Variants in KCNQ1 observed in about 807,000 individuals in gnomAD.
KCNQ1 encodes the protein potassium voltage-gated channel subfamily KQT member 1.
A neutral mutation model predicts 72.4 loss-of-function variants in KCNQ1; 49 were observed. That is an observed-to-expected ratio of 0.68 (90% CI 0.54 to 0.86). The LOEUF (loss-of-function observed/expected upper bound fraction) is 0.86. Ranked by LOEUF, KCNQ1 falls within the 40% of genes least tolerant of loss-of-function variation. The probability of loss-of-function intolerance (pLI) is 0.00; values close to 1 mark genes in which losing one functional copy is unlikely to be tolerated. For synonymous variants in KCNQ1, 450 were observed against 412.6 expected, an observed-to-expected ratio of 1.09 and a Z score of -1.10; for missense variants, 790 against 945.1, an observed-to-expected ratio of 0.84 and a Z score of 2.15.
chr11:2,452,087 C>T (rs1846126267), intron 1 of KCNQ1, among the ~76,000 whole-genome samples: 2 of 152,196 alleles, frequency 1.3e-5, no homozygotes, highest in South Asian at 2.1e-4. Context: ...CGGCTGCCCT[C>T]ACCCAGAGAG....
At chr11:2,667,064 A>C in intron 11 of KCNQ1, 1 of 398,652 alleles carries the variant, frequency 2.5e-6, no homozygotes, top group Non-Finnish European at 4.4e-6. Context: ...CGTCTCTGAA[A>C]TGCACGGGGG....
rs188616774 is a variant in KCNQ1 at position 2,642,345 on chromosome 11, T to A, written c.1394-19616T>A. ...TTTCTCACCTCTTTGGTTAAACTCA[T>A]TCCTAGATTTTTTGTAGTGGTTGTA... On this transcript the variant is annotated intron_variant, in intron 10 of 15. Coordinates refer to ENST00000155840, the MANE Select transcript of KCNQ1 (RefSeq NM_000218.3). The surrounding 1 kb of genome is among the most constrained non-coding windows in gnomAD (Gnocchi z 4.3). 5 of 398,280 alleles carry A rather than the reference T, an allele frequency of 1.3e-5. No homozygotes were observed. In the East Asian group the frequency reaches 1.8e-4, roughly 14 times the overall value. The allele number at this position is 398,280 out of a possible 1,614,324, so 24.7% of individuals were successfully genotyped here.
Position 2,570,755 on chromosome 11 carries a change from G to A in KCNQ1, c.604+1G>A, listed in dbSNP as rs752670256. 1.2e-6 allele frequency: 2 copies of A among 1,610,438 alleles called. No individual in the cohort carries two copies. The highest frequency in any genetic ancestry group is 2.2e-5 in the East Asian group (1 of 44,880). Reference sequence around the variant, plus strand: ...GCCCGGAAGCCCATTTCCATCATCGGTGAGTCATGCCTGCCCTGTGGAGGT... The same window carrying A: ...GCCCGGAAGCCCATTTCCATCATCGATGAGTCATGCCTGCCCTGTGGAGGT... On this transcript the variant is annotated splice_donor_variant, in intron 3 of 15. Coordinates refer to ENST00000155840, the MANE Select transcript of KCNQ1 (RefSeq NM_000218.3). LOFTEE classifies it high-confidence loss of function.
At chr11:2,733,852 T>TCTCA (rs1845904915) in intron 11 of KCNQ1, among the ~76,000 whole-genome samples, 1 of 31,606 alleles carries the variant, frequency 3.2e-5, no homozygotes, top group African/African-American at 2.4e-4. Context: ...TCTCTCTCTC[T>TCTCA]CTCTCCCCCC....
Position 2,659,714 on chromosome 11 carries a change from G to A in KCNQ1, c.1394-2247G>A, listed in dbSNP as rs1849916180. ...ACTGTGCCATTTTGCATTCCCACCA[G>A]TAACATATGAGAGTTCTACATGTTC... On this transcript the variant is annotated intron_variant, in intron 10 of 15. Transcript: ENST00000155840. This position sits in a 1 kb window ranked among gnomAD's most constrained non-coding sequence, Gnocchi z 4.3. The A allele has an allele frequency of 2.5e-6, 1 of 398,392 alleles. No homozygotes were observed. The highest frequency in any genetic ancestry group is 2.1e-5 in the African/African-American group (1 of 48,632). 24.7% of individuals were successfully genotyped at this position (398,392 alleles called of 1,614,324 possible). A position where few individuals can be genotyped will look rare whatever the true frequency, so the allele number is the denominator to read the frequency against.
chr11:2,833,147 G>T (rs1590118148), intron 15 of KCNQ1, among the ~76,000 whole-genome samples: 1 of 152,182 alleles, frequency 6.6e-6, no homozygotes, highest in African/African-American at 2.4e-5. Context: ...GCTGGGTAGG[G>T]GTGCCTGTGT....
chr11:2,831,899 T>A (rs187549572), intron 15 of KCNQ1, among the ~76,000 whole-genome samples: 1 of 152,196 alleles, frequency 6.6e-6, no homozygotes, highest in African/African-American at 2.4e-5. Context: ...ACTCAGCCCC[T>A]GGCACATGGT....
intron 10 of KCNQ1, chr11:2,635,067 G>T (rs1206030856): frequency 1.3e-5 from 2 of 152,184 alleles, no homozygotes; most frequent in African/African-American, 4.8e-5. Flanking sequence ...GTTCTTTGTA[G>T]ATTCTGGATA....
intron 1 of KCNQ1, among the ~76,000 whole-genome samples, chr11:2,452,610 C>T (rs886862120): frequency 6.6e-6 from 1 of 152,206 alleles, no homozygotes; most frequent in Non-Finnish European, 1.5e-5. Context: ...TCTTGACGGG[C>T]CCTGGGCTTG....
rs987119298 is a variant in KCNQ1 at position 2,830,361 on chromosome 11, G to C, written c.1795-17406G>C. ...CTCTTCCCTGGGCAGGCATCCCAGA[G>C]CTATGACCTGAATGATATCTTAGAT... is the stretch of plus-strand genomic sequence containing the variant. On this transcript the variant is annotated intron_variant, in intron 15 of 15. Coordinates refer to ENST00000155840, the MANE Select transcript of KCNQ1 (RefSeq NM_000218.3). The surrounding 1 kb of genome is among the most constrained non-coding windows in gnomAD (Gnocchi z 7.7). Among the ~76,000 whole-genome samples the C allele has an allele frequency of 4.6e-5, 7 of 152,226 alleles. No individual in the cohort carries two copies. Among genetic ancestry groups the C allele is most frequent in the African/African-American group, 1.7e-4 (7 of 41,530 alleles).
rs942746793 is a variant in KCNQ1, at chr11:2,723,879, C to T, written c.1515-44965C>T. Among the ~76,000 whole-genome samples, 10 of 152,126 alleles carry T rather than the reference C, an allele frequency of 6.6e-5. No homozygotes were observed. The highest frequency in any genetic ancestry group is 2.2e-4 in the African/African-American group (9 of 41,442). ...CAAGTCACGGATTCCAGGGGGACCT[C>T]GGGACGAGGAAGTCACACGTTGGGG... On this transcript the variant is annotated intron_variant, in intron 11 of 15. Coordinates refer to ENST00000155840, the MANE Select transcript of KCNQ1 (RefSeq NM_000218.3). This position sits in a 1 kb window ranked among gnomAD's most constrained non-coding sequence, Gnocchi z 4.2.
chr11:2,699,890 CA>C, intron 11 of KCNQ1: 3 of 398,354 alleles, frequency 7.5e-6, no homozygotes, highest in Non-Finnish European at 1.3e-5. Context: ...CGGGGAGGAC[CA>C]CGCTGAGAGG....
rs933253479 is a variant in KCNQ1 at position 2,562,094 on chromosome 11, G to A, written c.478-8534G>A. 6.6e-6 allele frequency among the ~76,000 whole-genome samples: 1 copy of A among 151,844 alleles called. No individual in the cohort carries two copies. The highest frequency in any genetic ancestry group is 1.5e-5 in the Non-Finnish European group (1 of 67,940). The stretch of plus-strand genomic sequence containing the variant: ...GGCCAGGACAGGGCAGCCGGACCCC[G>A]ACTGTGCCACCCTCAGCCCAGTGGA... On this transcript the variant is annotated intron_variant, in intron 2 of 15. Transcript: ENST00000155840. This position sits in a 1 kb window ranked among gnomAD's most constrained non-coding sequence, Gnocchi z 7.5.
chr11:2,844,779 A>AT (rs1848287210), intron 15 of KCNQ1, among the ~76,000 whole-genome samples: 1 of 152,250 alleles, frequency 6.6e-6, no homozygotes, highest in Non-Finnish European at 1.5e-5. Flanking sequence ...TTCGAGTGCC[A>AT]TAATGTGAAA....
chr11:2,694,273 C>T (rs1484734689), intron 11 of KCNQ1: 1 of 398,558 alleles, frequency 2.5e-6, no homozygotes, highest in Non-Finnish European at 4.4e-6. Context: ...AGAGCCACAG[C>T]AGAGACACCA....
At chr11:2,618,592 G>T in intron 10 of KCNQ1, 1 of 398,504 alleles carries the variant, frequency 2.5e-6, no homozygotes, top group South Asian at 1.3e-4. Context: ...CATACTGTTT[G>T]ATCAATAGTT....
In KCNQ1 at chr11:2,587,555, C is replaced by T. The variant is rs1848609024; in HGVS notation, c.1129-15C>T. 6.2e-7 allele frequency: 1 copy of T among 1,613,562 alleles called. No homozygotes were observed. The highest frequency in any genetic ancestry group is 8.5e-7 in the Non-Finnish European group (1 of 1,180,006). On this transcript the variant is annotated splice_polypyrimidine_tract_variant and intron_variant, in intron 8 of 15. Coordinates refer to ENST00000155840, the MANE Select transcript of KCNQ1 (RefSeq NM_000218.3). ...GGCTCAGCAGGTGACAGCCTGTCCCCCTGCCCGACCTCAGACCGCATGGAG... is the reference window on the plus strand; with the variant it reads ...GGCTCAGCAGGTGACAGCCTGTCCCTCTGCCCGACCTCAGACCGCATGGAG...
At chr11:2,714,736 C>T (rs1458892512) in intron 11 of KCNQ1, among the ~76,000 whole-genome samples, 3 of 152,132 alleles carry the variant, frequency 2.0e-5, no homozygotes, top group Non-Finnish European at 2.9e-5. Context: ...GCCCTTGGGG[C>T]CGGGGTGGTA....
Position 2,758,755 on chromosome 11 carries a change from G to T in KCNQ1, c.1515-10089G>T, listed in dbSNP as rs913340651. ...AACCCACTATCGGTACAACCTAAGCGGATCTTACGGGAATTGTGCTGAGGA... is the reference window on the plus strand; with the variant it reads ...AACCCACTATCGGTACAACCTAAGCTGATCTTACGGGAATTGTGCTGAGGA... On this transcript the variant is annotated intron_variant, in intron 11 of 15. Transcript: ENST00000155840. Among the ~76,000 whole-genome samples, 4 of 152,284 alleles carry T rather than the reference G, an allele frequency of 2.6e-5. No homozygotes were observed. The South Asian group carries it at 6.2e-4, about 24-fold the overall frequency.
Sources: allele counts gnomAD v4.1 joint callset (sites outside exome capture counted in the v4.1 genomes callset), GRCh38; gene constraint gnomAD v4.1.1; non-coding constraint Gnocchi (gnomAD v3.1); transcripts MANE v1.5; gene names NCBI Gene and HGNC (gene_info 2026-07-23, HGNC 2026-07-21).